Variants in RYR3 observed in about 807,000 individuals in gnomAD.
The protein encoded by RYR3 is ryanodine receptor 3.
Under a neutral mutation model 584.3 loss-of-function variants are expected in RYR3, and 207 were observed. The ratio of observed to expected loss-of-function variants is 0.35; its 90% CI spans 0.32 to 0.40. The LOEUF (loss-of-function observed/expected upper bound fraction) is 0.40, where lower values mean the gene tolerates loss of function less well. Among genes scored for constraint, RYR3 ranks in the 10% least tolerant of loss-of-function variants. The pLI is 1.00. For missense variants in RYR3, 5,616 were observed against 6,089.2 expected (o/e 0.92, Z 2.59); for synonymous variants, 2,416 against 2,248.5 (o/e 1.07, Z -2.11).
chr15:33,601,061 C>G (rs774650019), intron 16 of RYR3, among the ~76,000 whole-genome samples: 25 of 152,120 alleles, frequency 1.6e-4, no homozygotes, highest in Non-Finnish European at 4.4e-5. Context: ...CTCGCCACAC[C>G]TTAGTCCTGG....
chr15:33,381,193 C>T (rs556459440), intron 1 of RYR3, among the ~76,000 whole-genome samples: 5 of 152,128 alleles, frequency 3.3e-5, no homozygotes, highest in South Asian at 2.1e-4. Flanking sequence ...ATGTTTCCAA[C>T]GCCTTCCTGC....
At chr15:33,558,871 G>A (rs1016061294) in intron 10 of RYR3, among the ~76,000 whole-genome samples, 1 of 152,218 alleles carries the variant, frequency 6.6e-6, no homozygotes, top group South Asian at 2.1e-4. Flanking sequence ...GGGCCACATA[G>A]AGAAGTGCCA....
At chr15:33,582,110 A>C (rs2058623478) in intron 14 of RYR3, among the ~76,000 whole-genome samples, 2 of 152,240 alleles carry the variant, frequency 1.3e-5, no homozygotes. Context: ...GTGGGAAGTA[A>C]GAATATTCCA....
At chr15:33,754,307 C>G (rs1320082087) in intron 57 of RYR3, among the ~76,000 whole-genome samples, 1 of 152,190 alleles carries the variant, frequency 6.6e-6, no homozygotes, top group Non-Finnish European at 1.5e-5. Context: ...TGTCACTTCT[C>G]TATTGAAAAC....
intron 43 of RYR3, among the ~76,000 whole-genome samples, chr15:33,710,232 C>T (rs970209847): frequency 2.0e-5 from 3 of 152,058 alleles, no homozygotes; most frequent in East Asian, 1.9e-4. Flanking sequence ...TCTGGTGAAG[C>T]CTCAGGGAGC....
At chr15:33,494,477 AG>A (rs2051245413) in intron 2 of RYR3, among the ~76,000 whole-genome samples, 1 of 152,140 alleles carries the variant, frequency 6.6e-6, no homozygotes, top group Non-Finnish European at 1.5e-5. Flanking sequence ...GTGCTATGAT[AG>A]TGTTTTTCCA....
intron 10 of RYR3, among the ~76,000 whole-genome samples, chr15:33,559,358 C>T (rs2057279726): frequency 6.6e-6 from 1 of 152,104 alleles, no homozygotes. Flanking sequence ...TGTGAGGAGA[C>T]ACAGGAGAGG....
chr15:33,658,612 A>T (rs911037410), intron 32 of RYR3, among the ~76,000 whole-genome samples: 1 of 152,162 alleles, frequency 6.6e-6, no homozygotes, highest in Non-Finnish European at 1.5e-5. Context: ...CCTAATGTTT[A>T]TATTTGCTTC....
chr15:33,858,890 C>T (rs944222617), intron 99 of RYR3: 2 of 152,476 alleles, frequency 1.3e-5, no homozygotes, highest in South Asian at 4.1e-4. Context: ...AAAAACTCTC[C>T]ATGTGCTTTC....
intron 16 of RYR3, among the ~76,000 whole-genome samples, chr15:33,590,290 CA>C (rs2059066178): frequency 6.6e-6 from 1 of 152,152 alleles, no homozygotes; most frequent in African/African-American, 2.4e-5. Flanking sequence ...GTGCAGGTCT[CA>C]GGGGATACGT....
intron 80 of RYR3, among the ~76,000 whole-genome samples, chr15:33,821,954 G>A (rs2077130110): frequency 6.6e-6 from 1 of 152,072 alleles, no homozygotes; most frequent in South Asian, 2.1e-4. Flanking sequence ...TTTAGTATGA[G>A]CAAGGAGCCT....
At chr15:33,491,759 T>C (rs2050979946) in intron 2 of RYR3, among the ~76,000 whole-genome samples, 1 of 152,096 alleles carries the variant, frequency 6.6e-6, no homozygotes, top group Non-Finnish European at 1.5e-5. Context: ...TGGACAGATG[T>C]AGCATTAGAC....
chr15:33,821,255 T>C lies in RYR3; in HGVS notation c.10816-15T>C, dbSNP rs1397512192. On this transcript the variant is annotated splice_polypyrimidine_tract_variant and intron_variant, in intron 78 of 103. Coordinates refer to ENST00000634891, the MANE Select transcript of RYR3 (RefSeq NM_001036.6). ...GTAGGAACCAATCTTTCCCTGTGAT[T>C]TTTTTTCCCCCCAGGAGAAAGAGAT... 4.2e-6 allele frequency: 6 copies of C among 1,424,470 alleles called. No individual in the cohort carries two copies. In the Admixed American group the frequency reaches 1.3e-4, roughly 30 times the overall value. The allele number at this position is 1,424,470 out of a possible 1,614,324, so 88.2% of individuals were successfully genotyped here. A position where few individuals can be genotyped will look rare whatever the true frequency, so the allele number is the denominator to read the frequency against.
rs567518069 is a variant in RYR3, at chr15:33,374,183, A to T, written c.51+63087A>T. 1.1e-4 allele frequency among the ~76,000 whole-genome samples: 17 copies of T among 152,316 alleles called. No individual in the cohort carries two copies. The East Asian group carries it at 3.1e-3, about 28-fold the overall frequency. ...AACAAAAAAATGTTTTTAAAGAAAA[A>T]AAAGCCAACTTCAGACTCTCCATCT... On this transcript the variant is annotated intron_variant, in intron 1 of 103. Coordinates refer to ENST00000634891, the MANE Select transcript of RYR3 (RefSeq NM_001036.6).
intron 83 of RYR3, 74 bp from the exon 84 acceptor site, chr15:33,826,598 G>A: frequency 8.2e-7 from 1 of 1,219,152 alleles, no homozygotes; most frequent in South Asian, 1.2e-5. Flanking sequence ...TATCATCTGT[G>A]TAGTCATTTA....
At chr15:33,785,100 C>G (rs1567165454) in intron 65 of RYR3, among the ~76,000 whole-genome samples, 1 of 152,190 alleles carries the variant, frequency 6.6e-6, no homozygotes, top group Non-Finnish European at 1.5e-5. Context: ...AGCCAGAAAT[C>G]AGTCCACGTG....
intron 1 of RYR3, among the ~76,000 whole-genome samples, chr15:33,415,480 T>G (rs1162717219): frequency 3.3e-5 from 5 of 152,024 alleles, no homozygotes; most frequent in South Asian, 4.2e-4. Context: ...CAGCTTACCA[T>G]TTGGTGAAAG....
At chr15:33,682,293 C>A (rs2064682286) in intron 38 of RYR3, among the ~76,000 whole-genome samples, 1 of 152,092 alleles carries the variant, frequency 6.6e-6, no homozygotes, top group Non-Finnish European at 1.5e-5. Context: ...AATTTAAAGA[C>A]CCTCTAACTC....
intron 2 of RYR3, among the ~76,000 whole-genome samples, chr15:33,499,456 A>G (rs1262898249): frequency 6.6e-6 from 1 of 152,122 alleles, no homozygotes; most frequent in Non-Finnish European, 1.5e-5. Flanking sequence ...CTTCACTGAC[A>G]TTCCACTAAA....
Sources: gnomAD v4.1 joint callset for allele counts (sites outside exome capture counted in the v4.1 genomes callset) on GRCh38, gnomAD v4.1.1 for gene constraint, MANE v1.5 for transcripts, NCBI Gene and HGNC (gene_info 2026-07-23, HGNC 2026-07-21) for gene names.